The following PGBD2 variants were observed in gnomAD, a reference collection of about 807,000 sequenced individuals.
The protein encoded by PGBD2 is piggyBac transposable element derived 2, also known as piggyBac transposable element-derived protein 2.
A neutral mutation model predicts 8.1 loss-of-function variants in PGBD2; 6 were observed. The observed-to-expected ratio is 0.74, with a 90% CI of 0.40 to 1.46. PGBD2 has a LOEUF of 1.46. PGBD2 is among the 40% of genes most tolerant of loss of function. The pLI is 0.02. For missense variants in PGBD2, 802 were observed against 739.0 expected (o/e 1.09, Z -0.99); for synonymous variants, 318 against 272.2 (o/e 1.17, Z -1.66).
At chr1:248,923,500 G>A (rs138823577), downstream of PGBD2, among the ~76,000 whole-genome samples, 1 of 151,968 alleles carries the variant, frequency 6.6e-6, no homozygotes, top group Non-Finnish European at 1.5e-5. Context: ...TCGCATCATC[G>A]TTTACATGGA....
chr1:248,915,717 G>T (rs1662075175), intron 2 of PGBD2, among the ~76,000 whole-genome samples: 1 of 152,190 alleles, frequency 6.6e-6, no homozygotes, highest in East Asian at 1.9e-4. Context: ...TTTGGCTTCT[G>T]AATTGCAGTT....
chr1:248,911,367 G>T (rs1421554551), intron 1 of PGBD2, among the ~76,000 whole-genome samples: 1 of 150,834 alleles, frequency 6.6e-6, no homozygotes, highest in Non-Finnish European at 1.5e-5. Flanking sequence ...AGCACATCTT[G>T]CACCGCCCTT....
At chr1:248,887,166 G>C in the PGBD2 span, among the ~76,000 whole-genome samples, 9 of 152,116 alleles carry the variant, frequency 5.9e-5, no homozygotes, top group Non-Finnish European at 8.8e-5. Flanking sequence ...CATTTTACCT[G>C]ATCATAGTAT....
At chr1:248,905,387 T>G (rs1431815609), upstream of PGBD2, among the ~76,000 whole-genome samples, 1 of 152,216 alleles carries the variant, frequency 6.6e-6, no homozygotes, top group Non-Finnish European at 1.5e-5. Context: ...CACTGTCCTA[T>G]ATACCTAATG....
At chr1:248,906,623 A>G (rs1434161392) in intron 1 of PGBD2, among the ~76,000 whole-genome samples, 4 of 66,094 alleles carry the variant, frequency 6.1e-5, no homozygotes, top group Non-Finnish European at 8.8e-5. Context: ...CTAAAGAGGG[A>G]TGGATTCAGG....
At chr1:248,889,928 C>CT in the PGBD2 span, among the ~76,000 whole-genome samples, 5,907 of 135,962 alleles carry the variant, frequency 0.043, 413 homozygotes, top group African/African-American at 0.15. Flanking sequence ...TTTTTCTTTT[C>CT]TTTTTTTTTT....
chr1:248,913,724 A>AT, intron 1 of PGBD2, 92 bp from the exon 2 acceptor site: 1 of 744,302 alleles, frequency 1.3e-6, no homozygotes, highest in South Asian at 1.5e-5. Flanking sequence ...TCTTAAGTCA[A>AT]ATATATTTTT....
intron 1 of PGBD2, chr1:248,912,836 T>G (rs988207512): frequency 6.9e-6 from 1 of 144,198 alleles, no homozygotes. Context: ...GGGGTTTCAC[T>G]CCTGTTGCCC....
At chr1:248,874,347 A>G in the PGBD2 span, among the ~76,000 whole-genome samples, 1 of 152,174 alleles carries the variant, frequency 6.6e-6, no homozygotes, top group Non-Finnish European at 1.5e-5. Context: ...CTGTTGCCGC[A>G]GGGCTAACCA....
At chr1:248,884,404 G>A in the PGBD2 span, among the ~76,000 whole-genome samples, 1 of 151,792 alleles carries the variant, frequency 6.6e-6, no homozygotes, top group African/African-American at 2.4e-5. Context: ...GCAGTGGCGC[G>A]ATCTCGGCTC....
At chr1:248,874,274 C>G in the PGBD2 span, among the ~76,000 whole-genome samples, 15 of 152,112 alleles carry the variant, frequency 9.9e-5, no homozygotes, top group Non-Finnish European at 4.4e-5. Context: ...GGTTAGGATT[C>G]GGCGCTCTCA....
At chr1:248,875,318 A>G in the PGBD2 span, among the ~76,000 whole-genome samples, 1,910 of 148,878 alleles carry the variant, frequency 0.013, 46 homozygotes, top group African/African-American at 0.045. Context: ...CAAAAAAAAA[A>G]AAAAAAAAAA....
At chr1:248,926,073 C>T in the PGBD2 span, among the ~76,000 whole-genome samples, 1 of 152,036 alleles carries the variant, frequency 6.6e-6, no homozygotes, top group African/African-American at 2.4e-5. Context: ...AGAAGGGCCT[C>T]CACCTTGCTT....
chr1:248,892,244 T>TCCCA, the PGBD2 span, among the ~76,000 whole-genome samples: 1 of 18,710 alleles, frequency 5.3e-5, no homozygotes, highest in Non-Finnish European at 1.7e-4. Context: ...GTTCCTTCCT[T>TCCCA]CCCTCCCTCC....
At chr1:248,929,374 C>G in the PGBD2 span, among the ~76,000 whole-genome samples, 1 of 152,196 alleles carries the variant, frequency 6.6e-6, no homozygotes, top group East Asian at 1.9e-4. Context: ...TCAGCACATT[C>G]AAACGTATCC....
downstream of PGBD2, among the ~76,000 whole-genome samples, chr1:248,920,389 T>G (rs1662260020): frequency 6.6e-6 from 1 of 151,712 alleles, no homozygotes; most frequent in African/African-American, 2.4e-5. Context: ...GAGTGAGAAC[T>G]TGCGATGTTT....
chr1:248,927,551 T>G, the PGBD2 span, among the ~76,000 whole-genome samples: 1 of 152,360 alleles, frequency 6.6e-6, no homozygotes, highest in South Asian at 2.1e-4. Context: ...GACTCAGCTC[T>G]TCCATTATAC....
At chr1:248,920,223 C>T (rs373010129), downstream of PGBD2, among the ~76,000 whole-genome samples, 67 of 152,104 alleles carry the variant, frequency 4.4e-4, no homozygotes, top group African/African-American at 1.4e-3. Context: ...TAGGTATACA[C>T]GTGCCATGGT....
At chr1:248,928,727 C>A in the PGBD2 span, among the ~76,000 whole-genome samples, 116 of 152,310 alleles carry the variant, frequency 7.6e-4, no homozygotes, top group African/African-American at 2.3e-3. Flanking sequence ...TTCTGCTTCA[C>A]TTCAATAACA....
Sources: allele counts gnomAD v4.1 joint callset (sites outside exome capture counted in the v4.1 genomes callset), GRCh38; gene constraint gnomAD v4.1.1; transcripts MANE v1.5; gene names NCBI Gene and HGNC (gene_info 2026-07-23, HGNC 2026-07-21).